The following FAM163A variants were observed in gnomAD, a reference collection of about 807,000 sequenced individuals.
FAM163A encodes family with sequence similarity 163 member A, also known as protein FAM163A.
A neutral mutation model predicts 12.0 loss-of-function variants in FAM163A; 7 were observed. The ratio of observed to expected loss-of-function variants is 0.58; its 90% confidence interval spans 0.33 to 1.10. The LOEUF (loss-of-function observed/expected upper bound fraction) is 1.10, where lower values mean the gene tolerates loss of function less well. Ranked by LOEUF, FAM163A falls within the 50% of genes least tolerant of loss-of-function variation. The pLI, the probability that FAM163A is intolerant of heterozygous loss-of-function variation, is 0.03. For missense variants in FAM163A, 202 were observed against 218.6 expected, an observed-to-expected ratio of 0.92 and a Z score of 0.48; for synonymous variants, 101 against 91.0, an observed-to-expected ratio of 1.11 and a Z score of -0.62.
In FAM163A at chr1:179,814,242, C is replaced by A; in HGVS notation, c.*53C>A. 2 of 1,533,814 alleles carry A rather than the reference C, an allele frequency of 1.3e-6. No homozygotes were observed. Among genetic ancestry groups the A allele is most frequent in the South Asian group, 1.3e-5 (1 of 78,654 alleles). On this transcript the variant is annotated 3_prime_UTR_variant, in exon 5 of 5. Transcript: ENST00000341785. ...CCCACACTGCTGCCCTGGCGGGGGCCATGGGGGTGATGAATGACCCTCCAA... is the reference window on the plus strand; with the variant it reads ...CCCACACTGCTGCCCTGGCGGGGGCAATGGGGGTGATGAATGACCCTCCAA...
chr1:179,802,065 G>T lies in FAM163A; in HGVS notation c.-135-5733G>T, dbSNP rs144186357. 5.5e-3 allele frequency among the ~76,000 whole-genome samples: 838 copies of T among 152,302 alleles called. 7 individuals are homozygous for T. Among genetic ancestry groups the T allele is most frequent in the African/African-American group, 0.018 (740 of 41,556 alleles). The stretch of plus-strand genomic sequence containing the variant: ...CCTCCTTTCTTTTCTCTTTTTGTTT[G>T]ACTTGGACTTCAGATGCAGAAGACT... On this transcript the variant is annotated intron_variant, in intron 1 of 4. Coordinates refer to ENST00000341785, the MANE Select transcript of FAM163A (RefSeq NM_173509.3).
intron 1 of FAM163A, among the ~76,000 whole-genome samples, chr1:179,759,679 T>G (rs1686533228): frequency 6.6e-6 from 1 of 152,016 alleles, no homozygotes; most frequent in South Asian, 2.1e-4. Context: ...TCCCCTTTTT[T>G]TTTTTGAGAC....
chr1:179,785,233 C>A (rs1286629402), intron 1 of FAM163A, among the ~76,000 whole-genome samples: 1 of 152,160 alleles, frequency 6.6e-6, no homozygotes, highest in African/African-American at 2.4e-5. Context: ...TATAAGTTAC[C>A]ACTGCTTGTT....
At chr1:179,802,796 G>C (rs1478748553) in intron 1 of FAM163A, among the ~76,000 whole-genome samples, 4 of 152,074 alleles carry the variant, frequency 2.6e-5, no homozygotes, top group African/African-American at 9.7e-5. Context: ...GCTTCAGCTT[G>C]TATTTCTTGA....
intron 1 of FAM163A, among the ~76,000 whole-genome samples, chr1:179,800,579 G>A (rs1400548178): frequency 6.6e-6 from 1 of 152,238 alleles, no homozygotes; most frequent in East Asian, 1.9e-4. Flanking sequence ...ACTGGACACT[G>A]GGGGTCCTGA....
At position 179,814,308 on chromosome 1, in the gene FAM163A, G is replaced by T; in HGVS notation, c.*119G>T. The T allele has an allele frequency of 8.4e-6, 11 of 1,316,886 alleles. No individual in the cohort carries two copies. In the South Asian group the frequency reaches 1.6e-4, roughly 19 times the overall value. 81.6% of individuals were successfully genotyped at this position (1,316,886 alleles called of 1,614,324 possible). ...TGTTTCTGTTTCTTTGGCTTTTCTC[G>T]CTCCGCAGTGGAGGGTTTACTAGGA... On this transcript the variant is annotated 3_prime_UTR_variant, in exon 5 of 5. Coordinates refer to ENST00000341785, the MANE Select transcript of FAM163A (RefSeq NM_173509.3).
chr1:179,810,051 G>A (rs1694493759), intron 2 of FAM163A, among the ~76,000 whole-genome samples: 1 of 152,176 alleles, frequency 6.6e-6, no homozygotes, highest in South Asian at 2.1e-4. Context: ...GCTGTGACAA[G>A]CTAAACAGTG....
intron 2 of FAM163A, among the ~76,000 whole-genome samples, chr1:179,810,455 A>C: frequency 6.6e-6 from 1 of 152,182 alleles, no homozygotes; most frequent in East Asian, 1.9e-4. Flanking sequence ...CTGCAGCTGC[A>C]TGCCTGCCCT....
the FAM163A span, among the ~76,000 whole-genome samples, chr1:179,732,359 G>A: frequency 1.3e-5 from 2 of 152,216 alleles, no homozygotes; most frequent in Admixed American, 6.5e-5. Flanking sequence ...ATGCGCTAAA[G>A]CTCTTTGGTG....
Position 179,801,615 on chromosome 1 carries a change from C to T in FAM163A, c.-135-6183C>T, listed in dbSNP as rs3845387. 9.5e-3 allele frequency among the ~76,000 whole-genome samples: 1,442 copies of T among 152,288 alleles called. 22 individuals are homozygous for T. The highest frequency in any genetic ancestry group is 0.033 in the African/African-American group (1,374 of 41,548). On this transcript the variant is annotated intron_variant, in intron 1 of 4. Transcript: ENST00000341785. ...TTATCTCCGTTTTGCAGATGAGCCT[C>T]AAGGAGATCATTAATTGTCCAAAGT... is the stretch of plus-strand genomic sequence containing the variant.
chr1:179,770,172 T>A (rs1469526244), intron 1 of FAM163A, among the ~76,000 whole-genome samples: 1 of 152,164 alleles, frequency 6.6e-6, no homozygotes, highest in Admixed American at 6.5e-5. Context: ...CTCAAAGTGC[T>A]GGGATTACAG....
intron 1 of FAM163A, among the ~76,000 whole-genome samples, chr1:179,770,806 C>T (rs1052653787): frequency 1.3e-5 from 2 of 151,878 alleles, no homozygotes; most frequent in Non-Finnish European, 2.9e-5. Flanking sequence ...CACCTGGAAA[C>T]GCCCCCATCA....
intron 1 of FAM163A, among the ~76,000 whole-genome samples, chr1:179,782,322 A>G (rs1279208897): frequency 6.6e-6 from 1 of 151,952 alleles, no homozygotes; most frequent in African/African-American, 2.4e-5. Flanking sequence ...TGTAGAGGGG[A>G]TGAGACGGAC....
intron 1 of FAM163A, among the ~76,000 whole-genome samples, chr1:179,754,695 C>T (rs1685755011): frequency 6.6e-6 from 1 of 152,196 alleles, no homozygotes; most frequent in South Asian, 2.1e-4. Context: ...GATGTCAGAA[C>T]ATAAAATGGC....
chr1:179,798,188 C>T (rs1476739952), intron 1 of FAM163A, among the ~76,000 whole-genome samples: 1 of 152,078 alleles, frequency 6.6e-6, no homozygotes, highest in Non-Finnish European at 1.5e-5. Flanking sequence ...TGAGATCACG[C>T]CACTGTACTC....
At chr1:179,766,242 A>G (rs1373010402) in intron 1 of FAM163A, among the ~76,000 whole-genome samples, 1 of 152,184 alleles carries the variant, frequency 6.6e-6, no homozygotes, top group Non-Finnish European at 1.5e-5. Context: ...TATGAAACCT[A>G]AAAATATTAA....
At chr1:179,809,238 A>G (rs1007461416) in intron 2 of FAM163A, among the ~76,000 whole-genome samples, 54 of 152,102 alleles carry the variant, frequency 3.6e-4, no homozygotes, top group African/African-American at 1.3e-3. Flanking sequence ...AACAGCCACA[A>G]CATGTCGAGG....
chr1:179,736,477 T>C, the FAM163A span, among the ~76,000 whole-genome samples: 1 of 152,142 alleles, frequency 6.6e-6, no homozygotes, highest in Non-Finnish European at 1.5e-5. Flanking sequence ...TATATTGAGA[T>C]ATCATCTCAA....
intron 1 of FAM163A, among the ~76,000 whole-genome samples, chr1:179,753,496 GTTA>G: frequency 6.6e-6 from 1 of 152,284 alleles, no homozygotes; most frequent in Middle Eastern, 3.4e-3. Context: ...TAATGGAAAT[GTTA>G]TTATAGATGA....
Sources: allele counts gnomAD v4.1 joint callset (sites outside exome capture counted in the v4.1 genomes callset), GRCh38; gene constraint gnomAD v4.1.1; transcripts MANE v1.5; gene names NCBI Gene and HGNC (gene_info 2026-07-23, HGNC 2026-07-21).